CAT: variants seen among roughly 807,000 people sequenced by gnomAD.
The protein encoded by CAT is catalase, also known as epididymis secretory sperm binding protein.
In CAT, 43 loss-of-function variants were observed where a neutral mutation model predicts 59.0. The observed-to-expected ratio is 0.73, with a 90% CI of 0.57 to 0.94. CAT has a LOEUF of 0.94. Among genes scored for constraint, CAT ranks in the 40% least tolerant of loss-of-function variants. The probability of loss-of-function intolerance (pLI) is 0.00; values close to 1 mark genes in which losing one functional copy is unlikely to be tolerated. For missense variants in CAT, 664 were observed against 682.9 expected, an observed-to-expected ratio of 0.97 and a Z score of 0.31; for synonymous variants, 218 against 230.9, an observed-to-expected ratio of 0.94 and a Z score of 0.51.
At chr11:34,458,836 A>G (rs796814371) in intron 8 of CAT, among the ~76,000 whole-genome samples, 12 of 152,356 alleles carry the variant, frequency 7.9e-5, no homozygotes, top group African/African-American at 2.4e-4. Flanking sequence ...CTGCAAAGCA[A>G]ATACGTATTC....
chr11:34,452,101 C>T lies in CAT; in HGVS notation c.374C>T (p.Thr125Ile). The T allele has an allele frequency of 6.2e-7, 1 of 1,613,848 alleles. No individual in the cohort carries two copies. ...TVAGESGSAD[T>I]VRDPRGFAVK... ...GCTGGAGAATCGGGTTCAGCTGACA[C>T]AGTTCGGGACCCTCGTGGGTTTGCA... The change falls in exon 4 of 13, where the codon ACA (threonine) becomes ATA (isoleucine). Residue 125 changes from threonine (T) to isoleucine (I), a missense_variant. Coordinates refer to ENST00000241052, the MANE Select transcript of CAT (RefSeq NM_001752.4).
At position 34,442,621 on chromosome 11, in the gene CAT, T is replaced by C. The variant is rs1051551029; in HGVS notation, c.66+3542T>C. 4.6e-5 allele frequency among the ~76,000 whole-genome samples: 7 copies of C among 151,900 alleles called. No homozygotes were observed. In the East Asian group the frequency reaches 1.4e-3, roughly 29 times the overall value. ...CATCTCAAAAAGAAAAAAAAAGAAA[T>C]GTATTCCTTTCCTACATGAATGGCC... is the stretch of plus-strand genomic sequence containing the variant. On this transcript the variant is annotated intron_variant, in intron 1 of 12. Coordinates refer to ENST00000241052, the MANE Select transcript of CAT (RefSeq NM_001752.4).
rs571434839 is a variant in CAT, at chr11:34,444,612, G to A, written c.67-4580G>A. On this transcript the variant is annotated intron_variant, in intron 1 of 12. Coordinates refer to ENST00000241052, the MANE Select transcript of CAT (RefSeq NM_001752.4). ...ATTCTTTATCACAGAATGAAAAGAC[G>A]TCATTATGACTCCTCTGGGACTGAT... 7.9e-5 allele frequency among the ~76,000 whole-genome samples: 12 copies of A among 152,312 alleles called. No homozygotes were observed. The East Asian group carries it at 1.9e-3, about 24-fold the overall frequency.
chr11:34,451,534 G>C (rs1856523262), intron 3 of CAT, among the ~76,000 whole-genome samples: 1 of 152,186 alleles, frequency 6.6e-6, no homozygotes, highest in Non-Finnish European at 1.5e-5. Context: ...GAGGCTAAGT[G>C]ATGTTTCTCA....
chr11:34,439,773 C>G (rs1856364659), intron 1 of CAT, among the ~76,000 whole-genome samples: 1 of 152,094 alleles, frequency 6.6e-6, no homozygotes, highest in Admixed American at 6.6e-5. Flanking sequence ...AAGAACAACA[C>G]CCTTGAGAAG....
chr11:34,446,136 GC>G (rs774164328), intron 1 of CAT, among the ~76,000 whole-genome samples: 28 of 151,980 alleles, frequency 1.8e-4, no homozygotes, highest in Non-Finnish European at 8.8e-5. Flanking sequence ...ATCCAATGTT[GC>G]GCTAAACATC....
At chr11:34,447,993 A>G (rs1856479279) in intron 1 of CAT, among the ~76,000 whole-genome samples, 1 of 152,200 alleles carries the variant, frequency 6.6e-6, no homozygotes, top group East Asian at 1.9e-4. Context: ...TCTAGTGGCA[A>G]GGGCATTTAC....
chr11:34,461,032 T>C (rs1856643450), intron 8 of CAT: 2 of 623,152 alleles, frequency 3.2e-6, no homozygotes, highest in Admixed American at 2.7e-5. Flanking sequence ...TGAAGATTTA[T>C]GGTTGGCCAG....
At chr11:34,469,487 G>A (rs548252425) in intron 11 of CAT, among the ~76,000 whole-genome samples, 3 of 152,128 alleles carry the variant, frequency 2.0e-5, no homozygotes, top group Non-Finnish European at 2.9e-5. Flanking sequence ...GTGTGGAGTT[G>A]TGCTGCATGT....
chr11:34,448,987 A>G (rs374421275), intron 1 of CAT, among the ~76,000 whole-genome samples: 31 of 152,316 alleles, frequency 2.0e-4, no homozygotes, highest in Middle Eastern at 3.4e-3. Context: ...TTAGCAGATT[A>G]GTGTTGAGAT....
intron 10 of CAT, among the ~76,000 whole-genome samples, chr11:34,466,304 T>C (rs1856715222): frequency 6.6e-6 from 1 of 152,198 alleles, no homozygotes; most frequent in South Asian, 2.1e-4. Context: ...GACCTTTTTA[T>C]ATGGAAATGT....
intron 10 of CAT, 33 bp from the exon 11 acceptor site, chr11:34,468,255 C>T: frequency 1.4e-6 from 2 of 1,471,634 alleles, no homozygotes; most frequent in Non-Finnish European, 1.9e-6. Flanking sequence ...ACTGGTGATT[C>T]AATTCTCTGC....
chr11:34,462,560 A>T (rs778800014), intron 9 of CAT, among the ~76,000 whole-genome samples: 20 of 152,124 alleles, frequency 1.3e-4, no homozygotes, highest in Non-Finnish European at 2.5e-4. Flanking sequence ...AGTAGCTGGA[A>T]GTATAGGAGT....
chr11:34,444,480 G>T (rs963279817), intron 1 of CAT, among the ~76,000 whole-genome samples: 6 of 152,134 alleles, frequency 3.9e-5, no homozygotes, highest in Non-Finnish European at 5.9e-5. Context: ...TGAAGGTCAG[G>T]ACAGTCTTTG....
chr11:34,449,515 A>G, intron 2 of CAT, 152 bp downstream of exon 2: 1 of 647,062 alleles, frequency 1.5e-6, no homozygotes, highest in East Asian at 2.7e-5. Context: ...AAATTAGTAA[A>G]TAAATGATGG....
At chr11:34,450,916 C>A in intron 2 of CAT, 72 bp from the exon 3 acceptor site, 1 of 965,392 alleles carries the variant, frequency 1.0e-6, no homozygotes, top group Non-Finnish European at 1.7e-6. Flanking sequence ...TCTTGTCACC[C>A]AGGTGCCTGT....
chr11:34,449,096 A>G (rs1211881004), intron 1 of CAT, 96 bp from the exon 2 acceptor site: 18 of 1,064,392 alleles, frequency 1.7e-5, no homozygotes, highest in Non-Finnish European at 2.5e-5. Flanking sequence ...AAGAGGGCAG[A>G]TGGTATAAAC....
chr11:34,454,870 C>T (rs1856570930), intron 6 of CAT, among the ~76,000 whole-genome samples: 1 of 152,102 alleles, frequency 6.6e-6, no homozygotes, highest in Non-Finnish European at 1.5e-5. Flanking sequence ...ATAATTGTGG[C>T]CTTGGGCATA....
intron 3 of CAT, 57 bp from the exon 4 acceptor site, chr11:34,452,020 C>T (rs1231137870): frequency 6.2e-7 from 1 of 1,600,066 alleles, no homozygotes; most frequent in Non-Finnish European, 8.6e-7. Context: ...TGTCTCCAGG[C>T]TTCTTGGATG....
Sources: gnomAD v4.1 joint callset for allele counts (sites outside exome capture counted in the v4.1 genomes callset) on GRCh38, gnomAD v4.1.1 for gene constraint, MANE v1.5 for transcripts, NCBI Gene and HGNC (gene_info 2026-07-23, HGNC 2026-07-21) for gene names.